Variants in ABLIM2 observed in about 807,000 individuals in gnomAD.
ABLIM2 encodes the protein actin-binding LIM protein 2.
In ABLIM2, 53 loss-of-function variants were observed where a neutral mutation model predicts 97.7. The observed-to-expected ratio is 0.54, with a 90% CI of 0.44 to 0.68. The LOEUF is 0.68. Among genes scored for constraint, ABLIM2 ranks in the 30% least tolerant of loss-of-function variants. The pLI is 0.00. For synonymous variants in ABLIM2, 361 were observed against 345.8 expected, an observed-to-expected ratio of 1.04 and a Z score of -0.49; for missense variants, 835 against 867.2, an observed-to-expected ratio of 0.96 and a Z score of 0.47.
At chr4:8,139,276 G>T (rs1338360053) in intron 1 of ABLIM2, among the ~76,000 whole-genome samples, 1 of 150,362 alleles carries the variant, frequency 6.7e-6, no homozygotes, top group Non-Finnish European at 1.5e-5. Flanking sequence ...GGGAAGGGAA[G>T]GGAGAAAAAA....
intron 14 of ABLIM2, among the ~76,000 whole-genome samples, chr4:8,016,592 T>C (rs1274082416): frequency 6.6e-6 from 1 of 152,038 alleles, no homozygotes; most frequent in Non-Finnish European, 1.5e-5. Context: ...GGGTTGCAGG[T>C]CCCAGGAAGA....
chr4:8,039,694 A>G (rs982158769), intron 9 of ABLIM2, among the ~76,000 whole-genome samples: 1 of 152,036 alleles, frequency 6.6e-6, no homozygotes, highest in African/African-American at 2.4e-5. Context: ...TTGCTTTTAT[A>G]CTCTGCACTA....
rs75097255 is a variant in ABLIM2, at chr4:8,069,436, C to T, written c.675+8192G>A. ...CGAAGACAGTGATGAGCACATTGCC[C>T]GGGGACCAGGGGACGCAAGGGAGGA... On this transcript the variant is annotated intron_variant, in intron 6 of 20. Transcript: ENST00000447017. The surrounding 1 kb of genome is among the most constrained non-coding windows in gnomAD (Gnocchi z 4.2). 0.038 allele frequency among the ~76,000 whole-genome samples: 5,791 copies of T among 152,216 alleles called. 149 individuals carry two copies. Among genetic ancestry groups the T allele is most frequent in the Non-Finnish European group, 0.055 (3,753 of 68,034 alleles).
chr4:8,056,211 C>A (rs1394999569), intron 7 of ABLIM2, among the ~76,000 whole-genome samples: 1 of 149,954 alleles, frequency 6.7e-6, no homozygotes, highest in Non-Finnish European at 1.5e-5. Context: ...CATTTCTAAT[C>A]TCTCACCCAC....
chr4:8,119,720 T>G (rs1290253464), intron 1 of ABLIM2, among the ~76,000 whole-genome samples: 1 of 152,208 alleles, frequency 6.6e-6, no homozygotes, highest in Non-Finnish European at 1.5e-5. Flanking sequence ...ACAGTGACAC[T>G]GTCTTTTAAA....
chr4:7,981,371 G>A (rs184599654), intron 20 of ABLIM2, among the ~76,000 whole-genome samples: 2 of 152,200 alleles, frequency 1.3e-5, no homozygotes, highest in African/African-American at 4.8e-5. Flanking sequence ...CCCCCACCTC[G>A]AGTTGTCCCA....
chr4:7,972,336 C>A (rs1198067535), intron 20 of ABLIM2, among the ~76,000 whole-genome samples: 4 of 152,200 alleles, frequency 2.6e-5, no homozygotes, highest in Admixed American at 6.5e-5. Context: ...TGCTCCCTCT[C>A]CCATTCACCA....
intron 10 of ABLIM2, among the ~76,000 whole-genome samples, chr4:8,030,520 T>TGGCTCCCC (rs1334096659): frequency 6.6e-6 from 1 of 152,174 alleles, no homozygotes; most frequent in Non-Finnish European, 1.5e-5. Flanking sequence ...TCTGGGCCCA[T>TGGCTCCCC]GGCTCCCCTG....
chr4:8,009,888 C>T (rs1267548276), intron 14 of ABLIM2, among the ~76,000 whole-genome samples: 2 of 152,166 alleles, frequency 1.3e-5, no homozygotes, highest in Admixed American at 1.3e-4. Flanking sequence ...TGGTATACCT[C>T]GCCCAAGGTC....
intron 8 of ABLIM2, among the ~76,000 whole-genome samples, chr4:8,052,211 A>G (rs1275718154): frequency 6.6e-6 from 1 of 152,216 alleles, no homozygotes; most frequent in African/African-American, 2.4e-5. Flanking sequence ...TGCAAGCCAC[A>G]GTGTGGTCTG....
chr4:8,036,864 A>C (rs1560832836), intron 9 of ABLIM2, among the ~76,000 whole-genome samples: 1 of 151,672 alleles, frequency 6.6e-6, no homozygotes. Context: ...CACTGCACAC[A>C]CAAACACACA....
At chr4:8,111,926 CAA>C (rs59261859) in intron 1 of ABLIM2, among the ~76,000 whole-genome samples, 372 of 121,228 alleles carry the variant, frequency 3.1e-3, no homozygotes, top group African/African-American at 0.011. Flanking sequence ...GACTCTGTCT[CAA>C]AAAAAAAAAA....
chr4:8,019,729 T>C lies in ABLIM2; in HGVS notation c.1370-58A>G. ...CAGGAGGGTAAGCAGCAAGTTGTGATGGTTTCTGTTCTACAGCTTTTTGTA... is the reference window on the plus strand; with the variant it reads ...CAGGAGGGTAAGCAGCAAGTTGTGACGGTTTCTGTTCTACAGCTTTTTGTA... On this transcript the variant is annotated intron_variant, in intron 13 of 20. Coordinates refer to ENST00000447017, the MANE Select transcript of ABLIM2 (RefSeq NM_001130083.2). This position sits in a 1 kb window ranked among gnomAD's most constrained non-coding sequence, Gnocchi z 4.3. 1.3e-6 allele frequency: 2 copies of C among 1,505,438 alleles called. No individual in the cohort carries two copies. Among genetic ancestry groups the C allele is most frequent in the South Asian group, 2.3e-5 (2 of 87,698 alleles). 93.3% of individuals were successfully genotyped at this position (1,505,438 alleles called of 1,614,324 possible).
At position 8,113,473 on chromosome 4, in the gene ABLIM2, G is replaced by A. The variant is rs540372553; in HGVS notation, c.11-6836C>T. Among the ~76,000 whole-genome samples, 1 of 152,316 alleles carries A rather than the reference G, an allele frequency of 6.6e-6. No homozygotes were observed. The highest frequency in any genetic ancestry group is 1.9e-4 in the East Asian group (1 of 5,186). ...TTCCACCCTTCTCTAAGGGCCCAGT[G>A]AACTTTGGACCTCTGAGCATGTATT... On this transcript the variant is annotated intron_variant, in intron 1 of 20. Transcript: ENST00000447017. This position sits in a 1 kb window ranked among gnomAD's most constrained non-coding sequence, Gnocchi z 4.5.
At chr4:8,049,139 C>T (rs549503261) in intron 8 of ABLIM2, among the ~76,000 whole-genome samples, 14 of 152,262 alleles carry the variant, frequency 9.2e-5, no homozygotes, top group African/African-American at 2.9e-4. Flanking sequence ...TGCCCATCCA[C>T]GTTTGTCTCC....
intron 7 of ABLIM2, among the ~76,000 whole-genome samples, chr4:8,060,177 T>C (rs1802077966): frequency 1.3e-5 from 2 of 152,120 alleles, no homozygotes; most frequent in African/African-American, 2.4e-5. Flanking sequence ...GATACCTGCA[T>C]TGTGAAGGTA....
intron 8 of ABLIM2, among the ~76,000 whole-genome samples, chr4:8,049,739 T>C (rs1167236661): frequency 6.6e-6 from 1 of 152,056 alleles, no homozygotes; most frequent in African/African-American, 2.4e-5. Context: ...TTTTATTTTA[T>C]TTTTTTTGAG....
chr4:7,998,185 C>T lies in ABLIM2; in HGVS notation c.1619-5258G>A, dbSNP rs1437783898. 6.6e-6 allele frequency among the ~76,000 whole-genome samples: 1 copy of T among 152,002 alleles called. No homozygotes were observed. The highest frequency in any genetic ancestry group is 2.4e-5 in the African/African-American group (1 of 41,384). ...ACAGGTGTGAGCCACTGCGCCGGGC[C>T]TTCTGCTGTCTTTTTTCATTCAAAT... is the stretch of plus-strand genomic sequence containing the variant. On this transcript the variant is annotated intron_variant, in intron 16 of 20. Transcript: ENST00000447017. The surrounding 1 kb of genome is among the most constrained non-coding windows in gnomAD (Gnocchi z 6.4).
At position 8,128,819 on chromosome 4, in the gene ABLIM2, G is replaced by T. The variant is rs1305969071; in HGVS notation, c.11-22182C>A. On this transcript the variant is annotated intron_variant, in intron 1 of 20. Transcript: ENST00000447017. The surrounding 1 kb of genome is among the most constrained non-coding windows in gnomAD (Gnocchi z 4.9). ...CCCTTGTAAGAAGAGGCCAGAGGCT[G>T]CCTCGCTCTTTCTACCACATGAGGG... Among the ~76,000 whole-genome samples, 1 of 152,210 alleles carries T rather than the reference G, an allele frequency of 6.6e-6. No homozygotes were observed. Among genetic ancestry groups the T allele is most frequent in the African/African-American group, 2.4e-5 (1 of 41,444 alleles).
Sources: gnomAD v4.1 joint callset for allele counts (sites outside exome capture counted in the v4.1 genomes callset) on GRCh38, gnomAD v4.1.1 for gene constraint, Gnocchi (gnomAD v3.1) non-coding constraint, MANE v1.5 for transcripts, NCBI Gene and HGNC (gene_info 2026-07-23, HGNC 2026-07-21) for gene names.